REEP1: variants seen among roughly 807,000 people sequenced by gnomAD.
The protein encoded by REEP1 is receptor expression-enhancing protein 1.
A neutral mutation model predicts 40.3 loss-of-function variants in REEP1; 22 were observed. The observed-to-expected ratio is 0.55, with a 90% CI of 0.39 to 0.78. REEP1 has a LOEUF of 0.78. REEP1 is among the 30% of genes least tolerant of loss of function. The probability of loss-of-function intolerance (pLI) is 0.00; values close to 1 mark genes in which losing one functional copy is unlikely to be tolerated. For missense variants in REEP1, 280 were observed against 361.1 expected, an observed-to-expected ratio of 0.78 and a Z score of 1.82; for synonymous variants, 116 against 139.2, an observed-to-expected ratio of 0.83 and a Z score of 1.17.
chr2:86,239,854 G>A (rs142030493), intron 5 of REEP1: 24 of 152,424 alleles, frequency 1.6e-4, no homozygotes, highest in African/African-American at 4.8e-4. Context: ...AGTGGGGCCT[G>A]GCTCCGTGTG....
rs1558916457 is a variant in REEP1 at position 86,288,032 on chromosome 2, A to ATTTTTTTTTTTTTTTTTTTTTTTTTT, written c.33-5791_33-5790insAAAAAAAAAAAAAAAAAAAAAAAAAA. 1.3e-4 allele frequency among the ~76,000 whole-genome samples: 20 copies of ATTTTTTTTTTTTTTTTTTTTTTTTTT among 149,848 alleles called. 1 individual carries two copies. The highest frequency in any genetic ancestry group is 3.4e-3 in the Middle Eastern group (1 of 292). On this transcript the variant is annotated intron_variant, in intron 1 of 8. Coordinates refer to ENST00000538924, the MANE Select transcript of REEP1 (RefSeq NM_001371279.1). Reference sequence around the variant, plus strand: ...TAAAATTATTTATTTTATTTTTATTATTTTTTTGAGATGGAGTCTCGCTCC... The same window carrying ATTTTTTTTTTTTTTTTTTTTTTTTTT: ...TAAAATTATTTATTTTATTTTTATTATTTTTTTTTTTTTTTTTTTTTTTTTTTTTTTTTGAGATGGAGTCTCGCTCC...
chr2:86,330,414 G>GGGGTGTGTGT (rs1680711627), intron 1 of REEP1, among the ~76,000 whole-genome samples: 1 of 127,800 alleles, frequency 7.8e-6, no homozygotes, highest in Non-Finnish European at 1.7e-5. Context: ...AGTGAATCCT[G>GGGGTGTGTGT]GTGTGTGTGT....
chr2:86,251,627 C>A (rs1253796282), intron 5 of REEP1: 5 of 373,244 alleles, frequency 1.3e-5, no homozygotes, highest in Non-Finnish European at 2.6e-5. Context: ...TTCTCCCAGG[C>A]CTAAGTGCCA....
intron 8 of REEP1, among the ~76,000 whole-genome samples, chr2:86,218,774 G>A (rs139425671): frequency 6.6e-6 from 1 of 152,312 alleles, no homozygotes; most frequent in Non-Finnish European, 1.5e-5. Flanking sequence ...ATGCATGTGT[G>A]CCTCACCTTG....
intron 5 of REEP1, among the ~76,000 whole-genome samples, chr2:86,245,485 G>C (rs1031979314): frequency 2.0e-5 from 3 of 152,186 alleles, no homozygotes; most frequent in Non-Finnish European, 2.9e-5. Flanking sequence ...GAGCACAAAG[G>C]AGATTCATTT....
chr2:86,236,152 G>T (rs1675310533), intron 5 of REEP1, among the ~76,000 whole-genome samples: 1 of 151,566 alleles, frequency 6.6e-6, no homozygotes, highest in Non-Finnish European at 1.5e-5. Context: ...GGAGGTGGAG[G>T]TTGCAGTGAG....
intron 2 of REEP1, among the ~76,000 whole-genome samples, chr2:86,273,734 T>G (rs748980980): frequency 2.0e-5 from 3 of 152,218 alleles, no homozygotes; most frequent in Non-Finnish European, 2.9e-5. Context: ...AAACGTGACC[T>G]CCTCTAGGAC....
chr2:86,328,069 C>T (rs1034700464), intron 1 of REEP1, among the ~76,000 whole-genome samples: 2 of 152,154 alleles, frequency 1.3e-5, no homozygotes, highest in Admixed American at 1.3e-4. Context: ...TTCCACAACA[C>T]GCAGCCTGAA....
At chr2:86,302,213 G>C (rs1679283600) in intron 1 of REEP1, among the ~76,000 whole-genome samples, 1 of 152,220 alleles carries the variant, frequency 6.6e-6, no homozygotes, top group African/African-American at 2.4e-5. Context: ...CAGGGAGGCT[G>C]AGAACACGGG....
At chr2:86,262,183 G>C (rs903934801) in intron 3 of REEP1, among the ~76,000 whole-genome samples, 8 of 152,134 alleles carry the variant, frequency 5.3e-5, no homozygotes, top group African/African-American at 1.7e-4. Flanking sequence ...TCTATACTTT[G>C]TCTCTGTGTC....
intron 1 of REEP1, among the ~76,000 whole-genome samples, chr2:86,286,446 C>T (rs1471113928): frequency 1.3e-5 from 2 of 152,112 alleles, no homozygotes; most frequent in African/African-American, 4.8e-5. Context: ...GCTGAGAAAC[C>T]CTAGTTTCTA....
chr2:86,272,586 C>G (rs993782620), intron 2 of REEP1, among the ~76,000 whole-genome samples: 5 of 152,214 alleles, frequency 3.3e-5, no homozygotes, highest in Admixed American at 2.6e-4. Flanking sequence ...GCTTCTAACT[C>G]TAGACTAGAC....
chr2:86,258,465 C>A (rs527589885), intron 3 of REEP1, among the ~76,000 whole-genome samples: 4 of 152,184 alleles, frequency 2.6e-5, no homozygotes, highest in Non-Finnish European at 5.9e-5. Context: ...ATGCTGACTC[C>A]GGATTTAAAG....
chr2:86,245,863 C>T (rs1441596377), intron 5 of REEP1, among the ~76,000 whole-genome samples: 4 of 151,304 alleles, frequency 2.6e-5, no homozygotes, highest in African/African-American at 9.7e-5. Context: ...CTCCCTGGTT[C>T]ACGCCATTCT....
intron 6 of REEP1, among the ~76,000 whole-genome samples, chr2:86,228,074 G>A (rs1312509810): frequency 6.6e-6 from 1 of 152,186 alleles, no homozygotes; most frequent in African/African-American, 2.4e-5. Context: ...TAAGCAAAGA[G>A]GAAAACTCCA....
rs78454810 is a variant in REEP1, at chr2:86,292,719, G to C, written c.33-10477C>G. On this transcript the variant is annotated intron_variant, in intron 1 of 8. Coordinates refer to ENST00000538924, the MANE Select transcript of REEP1 (RefSeq NM_001371279.1). ...AAAGGACTGCTGGGCCTTCCTATGT[G>C]CACCATGAAAAAGGGGTGGGGGGAA... Among the ~76,000 whole-genome samples, 3 of 152,224 alleles carry C rather than the reference G, an allele frequency of 2.0e-5. No homozygotes were observed. The South Asian group carries it at 6.2e-4, about 32-fold the overall frequency.
At chr2:86,333,964 C>T (rs979187854) in intron 1 of REEP1, among the ~76,000 whole-genome samples, 4 of 152,174 alleles carry the variant, frequency 2.6e-5, no homozygotes, top group Admixed American at 6.5e-5. Context: ...GAGCCTTGCC[C>T]GTGGGCACAA....
At chr2:86,257,227 A>G (rs1267454889) in intron 3 of REEP1, among the ~76,000 whole-genome samples, 1 of 152,232 alleles carries the variant, frequency 6.6e-6, no homozygotes, top group South Asian at 2.1e-4. Flanking sequence ...AAATGAATCC[A>G]GCAAGCTCAG....
At chr2:86,274,512 C>T (rs1423508170) in intron 2 of REEP1, among the ~76,000 whole-genome samples, 1 of 152,210 alleles carries the variant, frequency 6.6e-6, no homozygotes, top group Non-Finnish European at 1.5e-5. Flanking sequence ...ACTGGTGACT[C>T]AGAGATGGAA....
Sources: gnomAD v4.1 joint callset for allele counts (sites outside exome capture counted in the v4.1 genomes callset) on GRCh38, gnomAD v4.1.1 for gene constraint, MANE v1.5 for transcripts, NCBI Gene and HGNC (gene_info 2026-07-23, HGNC 2026-07-21) for gene names.